The following NXPH2 variants were observed in gnomAD, a reference collection of about 807,000 sequenced individuals.
The protein encoded by NXPH2 is neurexophilin-2.
In NXPH2, 5 loss-of-function variants were observed where a neutral mutation model predicts 19.8. The ratio of observed to expected loss-of-function variants is 0.25; its 90% CI spans 0.13 to 0.53. NXPH2 has a LOEUF of 0.53. Among genes scored for constraint, NXPH2 ranks in the 20% least tolerant of loss-of-function variants. The pLI is 0.96. For missense variants in NXPH2, 289 were observed against 322.8 expected, an observed-to-expected ratio of 0.90 and a Z score of 0.80; for synonymous variants, 154 against 127.4, an observed-to-expected ratio of 1.21 and a Z score of -1.41.
chr2:138,740,351 C>T (rs1271677670), intron 1 of NXPH2, among the ~76,000 whole-genome samples: 3 of 152,168 alleles, frequency 2.0e-5, no homozygotes, highest in East Asian at 1.9e-4. Flanking sequence ...AAATGGTGCT[C>T]TGTTTTTTCT....
chr2:138,713,971 A>G (rs1681151144), intron 1 of NXPH2, among the ~76,000 whole-genome samples: 1 of 136,666 alleles, frequency 7.3e-6, no homozygotes, highest in Non-Finnish European at 1.6e-5. Context: ...CAAACAAAAA[A>G]GCAAAAAAAA....
intron 1 of NXPH2, among the ~76,000 whole-genome samples, chr2:138,676,597 C>T (rs887029684): frequency 1.3e-5 from 2 of 152,138 alleles, no homozygotes; most frequent in African/African-American, 4.8e-5. Context: ...TGACATGAAC[C>T]TCAGTTTTCT....
chr2:138,671,553 G>A lies in NXPH2; in HGVS notation c.164C>T (p.Pro55Leu), dbSNP rs1180168563. 1 of 1,613,942 alleles carries A rather than the reference G, an allele frequency of 6.2e-7. No individual in the cohort carries two copies. Among genetic ancestry groups the A allele is most frequent in the Admixed American group, 1.7e-5 (1 of 60,010 alleles). The change falls in exon 2 of 2, where the codon CCC becomes CTC. Residue 55 changes from proline to leucine, a missense_variant. Coordinates refer to ENST00000272641, the MANE Select transcript of NXPH2 (RefSeq NM_007226.3). ...AGACTGTTTAACAAACAGGCGCAGG[G>A]GACTGATGATCCTTGAGTGCACCAC... ...GNVVHSRIISPLRLFVKQSPV... is the reference protein window; with the variant it reads ...GNVVHSRIISLLRLFVKQSPV...
intron 1 of NXPH2, among the ~76,000 whole-genome samples, chr2:138,713,876 T>A (rs1311646816): frequency 6.6e-6 from 1 of 152,148 alleles, no homozygotes; most frequent in African/African-American, 2.4e-5. Flanking sequence ...AGATACTGAT[T>A]TTTATCTGCT....
At chr2:138,754,286 A>G (rs1483348695) in intron 1 of NXPH2, among the ~76,000 whole-genome samples, 1 of 152,204 alleles carries the variant, frequency 6.6e-6, no homozygotes, top group Non-Finnish European at 1.5e-5. Context: ...CCATTAGAGT[A>G]TCATATAGAA....
At chr2:138,729,617 A>T (rs1573969182) in intron 1 of NXPH2, among the ~76,000 whole-genome samples, 1 of 152,176 alleles carries the variant, frequency 6.6e-6, no homozygotes, top group Non-Finnish European at 1.5e-5. Context: ...ATTTTTTGCT[A>T]TGGCCAAAAT....
intron 1 of NXPH2, among the ~76,000 whole-genome samples, chr2:138,748,490 G>C (rs770581175): frequency 6.6e-6 from 1 of 151,970 alleles, no homozygotes; most frequent in East Asian, 1.9e-4. Context: ...AATAACAAAC[G>C]GTGTGCAAAA....
intron 1 of NXPH2, among the ~76,000 whole-genome samples, chr2:138,681,122 T>C (rs1414263500): frequency 6.6e-6 from 1 of 152,196 alleles, no homozygotes; most frequent in Non-Finnish European, 1.5e-5. Flanking sequence ...TTTGTCATGA[T>C]TATGCTATAG....
intron 1 of NXPH2, among the ~76,000 whole-genome samples, chr2:138,730,313 G>C (rs1329573514): frequency 6.6e-6 from 1 of 151,912 alleles, no homozygotes; most frequent in Non-Finnish European, 1.5e-5. Context: ...TCCAGTCACA[G>C]CCTCCCCAGT....
chr2:138,721,807 G>A (rs572539390), intron 1 of NXPH2, among the ~76,000 whole-genome samples: 2 of 152,224 alleles, frequency 1.3e-5, no homozygotes, highest in Non-Finnish European at 2.9e-5. Flanking sequence ...CCCAGGCTGA[G>A]TAACCTTGTT....
intron 1 of NXPH2, among the ~76,000 whole-genome samples, chr2:138,676,526 C>T (rs970974502): frequency 2.6e-5 from 4 of 152,142 alleles, no homozygotes; most frequent in Non-Finnish European, 5.9e-5. Context: ...TATGATGTTT[C>T]CATCATATCA....
At chr2:138,780,044 A>G (rs1163659342) in intron 1 of NXPH2, 147 bp downstream of exon 1, 1 of 712,908 alleles carries the variant, frequency 1.4e-6, no homozygotes. Flanking sequence ...TCGACCTCTA[A>G]GGCAACCCAA....
chr2:138,771,819 A>G (rs1309631634), intron 1 of NXPH2, among the ~76,000 whole-genome samples: 1 of 152,292 alleles, frequency 6.6e-6, no homozygotes, highest in East Asian at 1.9e-4. Flanking sequence ...GAGGAAGTGA[A>G]TGGCACCTGT....
intron 1 of NXPH2, among the ~76,000 whole-genome samples, chr2:138,702,134 T>C (rs1024052680): frequency 4.6e-5 from 7 of 152,152 alleles, no homozygotes; most frequent in African/African-American, 1.7e-4. Flanking sequence ...CTTCTTTCTT[T>C]CTTACAGGGT....
At chr2:138,740,577 G>A (rs73961530) in intron 1 of NXPH2, among the ~76,000 whole-genome samples, 294 of 152,156 alleles carry the variant, frequency 1.9e-3, no homozygotes, top group African/African-American at 5.2e-3. Context: ...ATATCGTTAC[G>A]TAACTCTTTT....
intron 1 of NXPH2, among the ~76,000 whole-genome samples, chr2:138,704,417 T>G (rs4954951): frequency 0.25 from 38,777 of 152,176 alleles, 6,139 homozygotes; most frequent in Non-Finnish European, 0.36. Context: ...TTGGAAACTT[T>G]TATGGCAAGT....
intron 1 of NXPH2, among the ~76,000 whole-genome samples, chr2:138,697,590 G>T (rs946948590): frequency 2.0e-5 from 3 of 151,782 alleles, no homozygotes; most frequent in African/African-American, 7.2e-5. Context: ...AAAATTATTG[G>T]CAGGAAATAT....
At chr2:138,716,270 C>T (rs1681193843) in intron 1 of NXPH2, among the ~76,000 whole-genome samples, 1 of 152,066 alleles carries the variant, frequency 6.6e-6, no homozygotes, top group African/African-American at 2.4e-5. Context: ...TTTATATCCC[C>T]ATAAAATGGA....
chr2:138,723,643 C>T (rs980513911), intron 1 of NXPH2, among the ~76,000 whole-genome samples: 2 of 152,144 alleles, frequency 1.3e-5, no homozygotes, highest in African/African-American at 4.8e-5. Flanking sequence ...TATTGGGCCT[C>T]GCCTCCTGCC....
Sources: allele counts gnomAD v4.1 joint callset (sites outside exome capture counted in the v4.1 genomes callset), GRCh38; gene constraint gnomAD v4.1.1; transcripts MANE v1.5; gene names NCBI Gene and HGNC (gene_info 2026-07-23, HGNC 2026-07-21).